The following NCOR2 variants were observed in gnomAD, a reference collection of about 807,000 sequenced individuals.
NCOR2 encodes the protein nuclear receptor corepressor 2.
In NCOR2, 81 loss-of-function variants were observed where a neutral mutation model predicts 262.9. That is an observed-to-expected ratio of 0.31 (90% CI 0.26 to 0.37). The LOEUF is 0.37. NCOR2 is among the 10% of genes least tolerant of loss of function. NCOR2 has a pLI of 1.00. For missense variants in NCOR2, 3,385 were observed against 3,621.4 expected, an observed-to-expected ratio of 0.93 and a Z score of 1.68; for synonymous variants, 1,659 against 1,559.3, an observed-to-expected ratio of 1.06 and a Z score of -1.51.
chr12:124,461,929 C>A (rs772795941), intron 5 of NCOR2, among the ~76,000 whole-genome samples: 4 of 152,220 alleles, frequency 2.6e-5, no homozygotes, highest in Non-Finnish European at 5.9e-5. Context: ...ACAGGCCCCA[C>A]ATGCTGACTC....
At chr12:124,505,776 G>A (rs530118241) in intron 1 of NCOR2, among the ~76,000 whole-genome samples, 1 of 152,320 alleles carries the variant, frequency 6.6e-6, no homozygotes, top group South Asian at 2.1e-4. Flanking sequence ...CTCGGGGGAA[G>A]GAGGGAGGTG....
At chr12:124,527,363 A>G (rs181996434) in intron 1 of NCOR2, among the ~76,000 whole-genome samples, 3 of 152,324 alleles carry the variant, frequency 2.0e-5, no homozygotes, top group Non-Finnish European at 2.9e-5. Context: ...ATATGTAAAG[A>G]GGGGATGATG....
chr12:124,382,039 C>G (rs769709740), intron 17 of NCOR2, among the ~76,000 whole-genome samples: 1 of 152,242 alleles, frequency 6.6e-6, no homozygotes, highest in African/African-American at 2.4e-5. Flanking sequence ...TTCCCCACTC[C>G]TTCCTTCTCT....
At chr12:124,554,954 T>C (rs1443959741) in intron 1 of NCOR2, among the ~76,000 whole-genome samples, 1 of 152,154 alleles carries the variant, frequency 6.6e-6, no homozygotes, top group Admixed American at 6.6e-5. Context: ...ATGTCCAGGA[T>C]TGGGCACGTG....
chr12:124,456,578 C>T (rs1369583602), intron 6 of NCOR2, among the ~76,000 whole-genome samples: 1 of 152,194 alleles, frequency 6.6e-6, no homozygotes, highest in Non-Finnish European at 1.5e-5. Context: ...GCGCGGCACC[C>T]GATGTTGGAA....
intron 10 of NCOR2, among the ~76,000 whole-genome samples, chr12:124,427,257 G>A (rs960520787): frequency 2.0e-5 from 3 of 152,150 alleles, no homozygotes; most frequent in African/African-American, 4.8e-5. Flanking sequence ...GAGGGTCAGC[G>A]CCTCGCTGGT....
At chr12:124,533,971 T>C (rs2050987796) in intron 1 of NCOR2, among the ~76,000 whole-genome samples, 1 of 151,606 alleles carries the variant, frequency 6.6e-6, no homozygotes, top group Admixed American at 6.6e-5. Context: ...TCATTAGTGC[T>C]AGTGTATTTT....
At chr12:124,553,336 A>G (rs1258391737) in intron 1 of NCOR2, among the ~76,000 whole-genome samples, 6 of 152,210 alleles carry the variant, frequency 3.9e-5, no homozygotes, top group Admixed American at 6.5e-5. Context: ...TCCCCTTTGC[A>G]GCATAAAATA....
At chr12:124,501,062 G>GCACGCACACACACACA (rs1164232439) in intron 1 of NCOR2, among the ~76,000 whole-genome samples, 7 of 147,920 alleles carry the variant, frequency 4.7e-5, no homozygotes, top group South Asian at 2.1e-4. Flanking sequence ...GCGCACGCGC[G>GCACGCACACACACACA]CACACACACA....
rs746916336 is a variant in NCOR2 at position 124,398,109 on chromosome 12, C to T, written c.1876+10G>A. 2 of 1,614,072 alleles carry T rather than the reference C, an allele frequency of 1.2e-6. No homozygotes were observed. Among genetic ancestry groups the T allele is most frequent in the African/African-American group, 1.3e-5 (1 of 74,944 alleles). On this transcript the variant is annotated intron_variant, in intron 16 of 46. Coordinates refer to ENST00000405201, the Ensembl canonical transcript of NCOR2. ...ACCAACAAGGCTTAAAGCCGCCACACACCCCTCACCTTTCTTGGCTGTTTC... is the reference window on the plus strand; with the variant it reads ...ACCAACAAGGCTTAAAGCCGCCACATACCCCTCACCTTTCTTGGCTGTTTC...
chr12:124,354,168 T>C, exon 27 of NCOR2: 1 of 1,607,128 alleles, frequency 6.2e-7, no homozygotes, highest in Non-Finnish European at 8.5e-7. Context: ...TGGTGATGCT[T>C]CCGCCCGGAA....
At chr12:124,352,658 C>T (rs1031105205) in intron 27 of NCOR2, among the ~76,000 whole-genome samples, 4 of 152,208 alleles carry the variant, frequency 2.6e-5, no homozygotes, top group Admixed American at 6.5e-5. Context: ...CAAGAGCCAC[C>T]GTGTCCAGCT....
In NCOR2 at chr12:124,507,815, G is replaced by A. The variant is rs562260918; in HGVS notation, c.-117-12447C>T. On this transcript the variant is annotated intron_variant, in intron 1 of 46. Coordinates refer to the NCOR2 transcript ENST00000404621. ...CCGCTCATGTCCATGCCCAGACCCC[G>A]AGTGTGAAGGCGGCCTCCGCAAGGT... 6.6e-5 allele frequency among the ~76,000 whole-genome samples: 10 copies of A among 152,322 alleles called. No homozygotes were observed. In the East Asian group the frequency reaches 1.4e-3, roughly 21 times the overall value.
intron 1 of NCOR2, chr12:124,530,355 A>C (rs898353895): frequency 1.3e-5 from 2 of 152,146 alleles, no homozygotes; most frequent in African/African-American, 2.4e-5. Context: ...GGGGAACAGA[A>C]ACACTTTATT....
exon 4 of NCOR2, chr12:124,472,990 T>C: frequency 6.2e-7 from 1 of 1,614,194 alleles, no homozygotes; most frequent in Non-Finnish European, 8.5e-7. Context: ...TGCTCTACCA[T>C]GGTGATCTCT....
chr12:124,411,960 G>A (rs368593639), intron 13 of NCOR2, among the ~76,000 whole-genome samples: 9 of 152,324 alleles, frequency 5.9e-5, no homozygotes, highest in East Asian at 3.9e-4. Flanking sequence ...GCCTATGCCC[G>A]GGCCTGCATC....
chr12:124,337,091 T>C (rs894395803), exon 38 of NCOR2: 10 of 1,510,776 alleles, frequency 6.6e-6, no homozygotes, highest in Non-Finnish European at 8.9e-6. Flanking sequence ...GAGGGTAGGG[T>C]AGACCCCATC....
intron 1 of NCOR2, among the ~76,000 whole-genome samples, chr12:124,515,014 G>T (rs2049635662): frequency 6.6e-6 from 1 of 151,996 alleles, no homozygotes; most frequent in Non-Finnish European, 1.5e-5. Context: ...CCACTCTGAT[G>T]ACAGGAACAC....
intron 20 of NCOR2, among the ~76,000 whole-genome samples, chr12:124,367,556 G>A (rs77561015): frequency 0.02 from 3,003 of 152,284 alleles, 90 homozygotes; most frequent in African/African-American, 0.067. Context: ...TAGCCATGCT[G>A]GAGGAGCGCC....
Sources: gnomAD v4.1 joint callset for allele counts (sites outside exome capture counted in the v4.1 genomes callset) on GRCh38, gnomAD v4.1.1 for gene constraint, MANE v1.5 for transcripts, NCBI Gene and HGNC (gene_info 2026-07-23, HGNC 2026-07-21) for gene names.